The following ZNF607 variants were observed in gnomAD, a reference collection of about 807,000 sequenced individuals.
ZNF607 encodes the protein zinc finger protein 607.
In ZNF607, 5 loss-of-function variants were observed where a neutral mutation model predicts 12.8. That is an observed-to-expected ratio of 0.39 (90% CI 0.20 to 0.82). ZNF607 has a LOEUF of 0.82. ZNF607 is among the 40% of genes least tolerant of loss of function. ZNF607 has a pLI of 0.39. For missense variants in ZNF607, 851 were observed against 859.2 expected, an observed-to-expected ratio of 0.99 and a Z score of 0.12; for synonymous variants, 287 against 276.2, an observed-to-expected ratio of 1.04 and a Z score of -0.39.
chr19:37,714,723 G>T (rs891832236), intron 1 of ZNF607, among the ~76,000 whole-genome samples: 2 of 151,994 alleles, frequency 1.3e-5, no homozygotes, highest in Non-Finnish European at 2.9e-5. Context: ...GCAAATAAGG[G>T]ATAGGAATAT....
In ZNF607 at chr19:37,703,829, C is replaced by T. The variant is rs756587811; in HGVS notation, c.236-3934G>A. Among the ~76,000 whole-genome samples the T allele has an allele frequency of 7.9e-5, 12 of 152,230 alleles. 1 individual carries two copies. The South Asian group carries it at 1.2e-3, about 16-fold the overall frequency. ...ACTGATTGAAATGCAATGAAAAATA[C>T]GTAAGTTAAAACATAACTGGAAATT... On this transcript the variant is annotated intron_variant, in intron 4 of 4. Transcript: ENST00000355202.
At position 37,707,935 on chromosome 19, in the gene ZNF607, C is replaced by G. The variant is rs1280285758; in HGVS notation, c.214G>C (p.Glu72Gln). The change falls in exon 4 of 5, where the codon GAA becomes CAA. Residue 72 changes from glutamate to glutamine, a missense_variant. Transcript: ENST00000355202. The stretch of plus-strand genomic sequence containing the variant: ...TTACCTGTACACTCTCCTCTTGTTT[C>G]TTCCCTCACAATCATCCATGGCTCT... ...GKEPWMIVRE[E>Q]TRGECTDLDS... is the part of the protein sequence containing the mutation. The G allele has an allele frequency of 3.1e-6, 5 of 1,613,892 alleles. No homozygotes were observed. In the Admixed American group the frequency reaches 5.0e-5, roughly 16 times the overall value.
chr19:37,713,123 G>A (rs2045145740), intron 1 of ZNF607, among the ~76,000 whole-genome samples: 1 of 151,614 alleles, frequency 6.6e-6, no homozygotes. Context: ...AAACTACAAG[G>A]TTTAAAAGAT....
intron 1 of ZNF607, among the ~76,000 whole-genome samples, chr19:37,718,529 G>A (rs932060783): frequency 5.3e-5 from 8 of 152,076 alleles, no homozygotes; most frequent in Non-Finnish European, 1.0e-4. Flanking sequence ...AGGTGGGGGC[G>A]GAGTAACAAC....
chr19:37,711,516 C>T, intron 2 of ZNF607, 94 bp downstream of exon 2: 2 of 1,293,202 alleles, frequency 1.5e-6, no homozygotes, highest in South Asian at 2.4e-5. Flanking sequence ...TGAGCACCGT[C>T]TCACGAAGGT....
At chr19:37,711,901 G>T (rs2045136689) in intron 1 of ZNF607, among the ~76,000 whole-genome samples, 1 of 152,198 alleles carries the variant, frequency 6.6e-6, no homozygotes, top group Non-Finnish European at 1.5e-5. Context: ...GAAACATACT[G>T]TCATGGAAAC....
rs1284313802 is a variant in ZNF607, at chr19:37,719,386, A to T, written c.-192T>A. 2 of 152,812 alleles carry T rather than the reference A, an allele frequency of 1.3e-5. No homozygotes were observed. The highest frequency in any genetic ancestry group is 4.8e-5 in the African/African-American group (2 of 41,472). The allele number at this position is 152,812 out of a possible 1,614,324, so 9.5% of individuals were successfully genotyped here. On this transcript the variant is annotated 5_prime_UTR_variant, in exon 1 of 5. Transcript: ENST00000355202. ...AGACGGGCCCCTCCTCCGCAGCTCC[A>T]GCACCCTAGGGCCTGAGGAGGCGGG...
intron 3 of ZNF607, among the ~76,000 whole-genome samples, chr19:37,709,301 G>C (rs1459902564): frequency 1.3e-5 from 2 of 152,166 alleles, no homozygotes; most frequent in Non-Finnish European, 2.9e-5. Context: ...CTCTTTCAAA[G>C]TAATATCACT....
Position 37,698,073 on chromosome 19 carries a change from G to T in ZNF607, c.2058C>A (p.Ser686=), listed in dbSNP as rs964545569. The change falls in exon 5 of 5, where the codon TCC becomes TCA. Residue 686 remains serine (S), a synonymous_variant. Coordinates refer to ENST00000355202, the MANE Select transcript of ZNF607 (RefSeq NM_032689.5). ...NKCRRSFRLR[S]ILEVHQRIHI ...GAATTCTCTGATGTACTTCAAGGAT[G>T]GATCTAAGCCTAAAGGACCTTCTGC... is the stretch of plus-strand genomic sequence containing the variant. 6.2e-7 allele frequency: 1 copy of T among 1,607,100 alleles called. No homozygotes were observed. The highest frequency in any genetic ancestry group is 1.3e-5 in the African/African-American group (1 of 74,692).
chr19:37,711,523 A>C, intron 2 of ZNF607, 87 bp downstream of exon 2: 1 of 1,362,184 alleles, frequency 7.3e-7, no homozygotes, highest in Non-Finnish European at 1.0e-6. Flanking sequence ...CGTCTCACGA[A>C]GGTAACTTCA....
intron 1 of ZNF607, among the ~76,000 whole-genome samples, chr19:37,718,528 CG>C: frequency 6.6e-6 from 1 of 152,174 alleles, no homozygotes; most frequent in Non-Finnish European, 1.5e-5. Context: ...GAGGTGGGGG[CG>C]GAGTAACAAC....
chr19:37,708,918 GTTAC>G (rs1390436862), intron 3 of ZNF607, among the ~76,000 whole-genome samples: 13 of 151,414 alleles, frequency 8.6e-5, no homozygotes, highest in African/African-American at 2.9e-4. Flanking sequence ...CCTTGGGCAA[GTTAC>G]TTACACTGCT....
intron 1 of ZNF607, among the ~76,000 whole-genome samples, chr19:37,716,028 C>T (rs138416181): frequency 3.9e-4 from 59 of 152,246 alleles, no homozygotes; most frequent in African/African-American, 1.4e-3. Flanking sequence ...TTGTTTTTCA[C>T]CTCTGAAGGA....
chr19:37,713,021 A>C (rs915945598), intron 1 of ZNF607, among the ~76,000 whole-genome samples: 1 of 152,006 alleles, frequency 6.6e-6, no homozygotes, highest in African/African-American at 2.4e-5. Flanking sequence ...TTTCGTTCCT[A>C]AATCTGGCAG....
At chr19:37,701,304 T>C (rs932747215) in intron 4 of ZNF607, among the ~76,000 whole-genome samples, 4 of 152,208 alleles carry the variant, frequency 2.6e-5, no homozygotes, top group Non-Finnish European at 4.4e-5. Context: ...TATCAGTATG[T>C]TCAATCTTTG....
rs771517445 is a variant in ZNF607, at chr19:37,709,819, A to C, written c.13T>G (p.Ser5Ala). 1.2e-6 allele frequency: 2 copies of C among 1,613,220 alleles called. No individual in the cohort carries two copies. The highest frequency in any genetic ancestry group is 1.3e-5 in the African/African-American group (1 of 75,036). The part of the protein sequence containing the change: MSYG[S>A]ITFGDVAIDF... ...ATGGCCACATCCCCGAATGTTATTGATCCCTGAAACAGCAAACCCATGTAT... is the reference window on the plus strand; with the variant it reads ...ATGGCCACATCCCCGAATGTTATTGCTCCCTGAAACAGCAAACCCATGTAT... Residue 5 changes from serine to alanine, a missense_variant, in exon 3 of 5, where the codon TCA becomes GCA. Transcript: ENST00000355202.
chr19:37,700,991 A>T (rs1568403699), intron 4 of ZNF607, among the ~76,000 whole-genome samples: 2 of 152,194 alleles, frequency 1.3e-5, no homozygotes, highest in Non-Finnish European at 2.9e-5. Context: ...TTCAAAGATG[A>T]CCCTAAAAGT....
At position 37,707,972 on chromosome 19, in the gene ZNF607, C is replaced by T. The variant is rs745536122; in HGVS notation, c.177G>A (p.Leu59=). 2 of 1,613,982 alleles carry T rather than the reference C, an allele frequency of 1.2e-6. No individual in the cohort carries two copies. Among genetic ancestry groups the T allele is most frequent in the East Asian group, 2.2e-5 (1 of 44,864 alleles). The change falls in exon 4 of 5, where the codon TTG becomes TTA. Residue 59 remains leucine, a synonymous_variant. Coordinates refer to ENST00000355202, the MANE Select transcript of ZNF607 (RefSeq NM_032689.5). ...SVSKPDLITL[L]EQGKEPWMIV... is the part of the protein sequence containing the mutation. Reference sequence around the variant, plus strand: ...TCATCCATGGCTCTTTTCCTTGCTCCAATAAGGTGATTAAATCTGGCTTAG... The same window carrying T: ...TCATCCATGGCTCTTTTCCTTGCTCTAATAAGGTGATTAAATCTGGCTTAG...
At chr19:37,718,466 C>T (rs2045196485) in intron 1 of ZNF607, among the ~76,000 whole-genome samples, 1 of 152,178 alleles carries the variant, frequency 6.6e-6, no homozygotes, top group South Asian at 2.1e-4. Flanking sequence ...TTCTTGGGGT[C>T]AGAATTCAAG....
Sources: allele counts gnomAD v4.1 joint callset (sites outside exome capture counted in the v4.1 genomes callset), GRCh38; gene constraint gnomAD v4.1.1; transcripts MANE v1.5; gene names NCBI Gene and HGNC (gene_info 2026-07-23, HGNC 2026-07-21).